Variants in SMC6 observed in about 807,000 individuals in gnomAD.
SMC6 encodes structural maintenance of chromosomes protein 6.
A neutral mutation model predicts 142.2 loss-of-function variants in SMC6; 79 were observed. That is an observed-to-expected ratio of 0.56 (90% CI 0.46 to 0.67). The LOEUF (loss-of-function observed/expected upper bound fraction) is 0.67, where lower values mean the gene tolerates loss of function less well. SMC6 is among the 30% of genes least tolerant of loss of function. The probability of loss-of-function intolerance (pLI) is 0.00; values close to 1 mark genes in which losing one functional copy is unlikely to be tolerated. For synonymous variants in SMC6, 411 were observed against 412.4 expected (o/e 1.00, Z 0.04); for missense variants, 1,072 against 1,284.0 (o/e 0.83, Z 2.52).
At chr2:17,709,142 C>T (rs186304480) in intron 16 of SMC6, among the ~76,000 whole-genome samples, 1 of 152,162 alleles carries the variant, frequency 6.6e-6, no homozygotes, top group Non-Finnish European at 1.5e-5. Context: ...AGGATTTAAC[C>T]CAGGCAGCTC....
rs35081864 is a variant in SMC6, at chr2:17,727,505, TTATATA to T, written c.544-1042_544-1037del. ...GTGAGTTAATATTTAAAACTCCTCT[TTATATA>T]TATATATATATATATACACACACAC... is the stretch of plus-strand genomic sequence containing the variant. On this transcript the variant is annotated intron_variant, in intron 7 of 27. Coordinates refer to ENST00000448223, the MANE Select transcript of SMC6 (RefSeq NM_001142286.2). Among the ~76,000 whole-genome samples, 769 of 148,574 alleles carry T rather than the reference TTATATA, an allele frequency of 5.2e-3. 5 individuals are homozygous for T. Among genetic ancestry groups the T allele is most frequent in the African/African-American group, 0.017 (681 of 40,606 alleles).
intron 7 of SMC6, among the ~76,000 whole-genome samples, chr2:17,728,199 G>A (rs1669725587): frequency 1.3e-5 from 2 of 152,184 alleles, no homozygotes; most frequent in Non-Finnish European, 1.5e-5. Flanking sequence ...ACTTTGGGAG[G>A]CTGAGGCAGG....
At chr2:17,753,419 G>A (rs1444830111) in intron 1 of SMC6, among the ~76,000 whole-genome samples, 1 of 76,138 alleles carries the variant, frequency 1.3e-5, no homozygotes, top group Non-Finnish European at 2.8e-5. Flanking sequence ...GTGCCGCCTC[G>A]GAGAGCGCGC....
At chr2:17,691,350 CTG>C (rs146685442) in intron 23 of SMC6, among the ~76,000 whole-genome samples, 54 of 139,958 alleles carry the variant, frequency 3.9e-4, no homozygotes, top group East Asian at 7.0e-4. Flanking sequence ...GTGTGTGTGT[CTG>C]TGTGTGTGTG....
intron 1 of SMC6, among the ~76,000 whole-genome samples, chr2:17,753,290 G>T (rs527944679): frequency 6.6e-6 from 1 of 151,660 alleles, no homozygotes; most frequent in East Asian, 1.9e-4. Flanking sequence ...ACCTCTCCCC[G>T]CTTTACAGTT....
chr2:17,672,521 C>T (rs993413675), intron 25 of SMC6, among the ~76,000 whole-genome samples: 7 of 152,152 alleles, frequency 4.6e-5, no homozygotes, highest in African/African-American at 1.7e-4. Flanking sequence ...TGGGTAACCA[C>T]TACTGAGATC....
chr2:17,672,178 C>T (rs112189141), intron 25 of SMC6, among the ~76,000 whole-genome samples: 4 of 152,268 alleles, frequency 2.6e-5, no homozygotes, highest in African/African-American at 7.2e-5. Context: ...CTGTATTTTG[C>T]ACCAATTTAA....
At chr2:17,670,291 G>A (rs1368490038) in intron 26 of SMC6, 132 bp downstream of exon 26, 16 of 905,960 alleles carry the variant, frequency 1.8e-5, no homozygotes, top group Non-Finnish European at 2.6e-5. Flanking sequence ...CCCCACTACT[G>A]GTCACAGACT....
chr2:17,738,163 A>T, intron 5 of SMC6, 58 bp downstream of exon 5: 1 of 1,292,410 alleles, frequency 7.7e-7, no homozygotes, highest in Non-Finnish European at 1.1e-6. Flanking sequence ...CTGGGAATCT[A>T]AAGTAACTGT....
chr2:17,737,744 T>A lies in SMC6; in HGVS notation c.344+477A>T, dbSNP rs571879406. Among the ~76,000 whole-genome samples, 12 of 152,320 alleles carry A rather than the reference T, an allele frequency of 7.9e-5. No individual in the cohort carries two copies. In the South Asian group the frequency reaches 2.5e-3, roughly 32 times the overall value. The stretch of plus-strand genomic sequence containing the variant: ...TGGCAACCTACTTGGTTAAAGGGTA[T>A]AAAATCAGAGTCAAAAAGTAGAATT... On this transcript the variant is annotated intron_variant, in intron 5 of 27. Transcript: ENST00000448223.
intron 23 of SMC6, among the ~76,000 whole-genome samples, chr2:17,685,176 T>C (rs550929607): frequency 4.6e-4 from 68 of 147,380 alleles, no homozygotes; most frequent in African/African-American, 1.6e-3. Flanking sequence ...AGAGAAGATA[T>C]AGATATTCAA....
At chr2:17,677,267 C>G (rs142763322) in intron 25 of SMC6, among the ~76,000 whole-genome samples, 94 of 152,238 alleles carry the variant, frequency 6.2e-4, no homozygotes, top group African/African-American at 2.2e-3. Flanking sequence ...ATAGGGCTCA[C>G]AGTCAATAAG....
chr2:17,678,604 C>T (rs1225683561), intron 25 of SMC6, among the ~76,000 whole-genome samples: 5 of 110,634 alleles, frequency 4.5e-5, no homozygotes, highest in South Asian at 2.7e-4. Flanking sequence ...CTTGTCTATA[C>T]GGAAAAAAAA....
chr2:17,726,313 G>C, intron 8 of SMC6, 76 bp downstream of exon 8: 1 of 1,076,758 alleles, frequency 9.3e-7, no homozygotes, highest in Non-Finnish European at 1.3e-6. Flanking sequence ...TCCATTATGT[G>C]AGCAATAATA....
intron 18 of SMC6, among the ~76,000 whole-genome samples, chr2:17,704,949 A>C (rs1020272300): frequency 2.6e-5 from 3 of 115,096 alleles, no homozygotes; most frequent in African/African-American, 1.5e-4. Context: ...AACAAATAGT[A>C]ATTTTGCTAA....
rs1044147720 is a variant in SMC6 at position 17,665,442 on chromosome 2, A to T, written c.*57T>A. The stretch of plus-strand genomic sequence containing the variant: ...ATTTTATTATATCAAAGAGTCCAGA[A>T]TTTTTTTTCCCTTCACAAATCCTTC... On this transcript the variant is annotated 3_prime_UTR_variant, in exon 28 of 28. Coordinates refer to ENST00000448223, the MANE Select transcript of SMC6 (RefSeq NM_001142286.2). 6 of 1,222,766 alleles carry T rather than the reference A, an allele frequency of 4.9e-6. No homozygotes were observed. Among genetic ancestry groups the T allele is most frequent in the Non-Finnish European group, 3.4e-6 (3 of 870,516 alleles). 75.7% of individuals were successfully genotyped at this position (1,222,766 alleles called of 1,614,324 possible).
intron 11 of SMC6, among the ~76,000 whole-genome samples, chr2:17,720,058 C>T (rs149203037): frequency 4.4e-4 from 67 of 152,270 alleles, no homozygotes; most frequent in African/African-American, 1.6e-3. Flanking sequence ...AAGGAAAAAA[C>T]TAGGAGTTCT....
chr2:17,723,602 C>T (rs780807174), intron 9 of SMC6, among the ~76,000 whole-genome samples: 1 of 152,282 alleles, frequency 6.6e-6, no homozygotes, highest in East Asian at 1.9e-4. Flanking sequence ...TAATAACTCC[C>T]CCATCATGAC....
chr2:17,745,207 GC>G (rs1670682184), intron 3 of SMC6, among the ~76,000 whole-genome samples: 1 of 152,048 alleles, frequency 6.6e-6, no homozygotes. Flanking sequence ...TCTGGTTTTG[GC>G]ATCAAGATAA....
Sources: gnomAD v4.1 joint callset for allele counts (sites outside exome capture counted in the v4.1 genomes callset) on GRCh38, gnomAD v4.1.1 for gene constraint, MANE v1.5 for transcripts, NCBI Gene and HGNC (gene_info 2026-07-23, HGNC 2026-07-21) for gene names.